Variants in ANKRD30A observed in about 807,000 individuals in gnomAD.
The protein encoded by ANKRD30A is ankyrin repeat domain 30A.
Under a neutral mutation model 166.3 loss-of-function variants are expected in ANKRD30A, and 170 were observed. That is an observed-to-expected ratio of 1.02 (90% CI 0.90 to 1.16). The LOEUF is 1.16. Among genes scored for constraint, ANKRD30A ranks in the 50% most tolerant of loss-of-function variants. The pLI, the probability that ANKRD30A is intolerant of heterozygous loss-of-function variation, is 0.00. For synonymous variants in ANKRD30A, 564 were observed against 508.9 expected, an observed-to-expected ratio of 1.11 and a Z score of -1.46; for missense variants, 1,630 against 1,518.0, an observed-to-expected ratio of 1.07 and a Z score of -1.23.
At chr10:37,201,377 A>T in intron 31 of ANKRD30A, 52 bp downstream of exon 31, 1 of 1,368,086 alleles carries the variant, frequency 7.3e-7, no homozygotes, top group Non-Finnish European at 1.0e-6. Context: ...TTTCTCTAAA[A>T]TGATGAGGAA....
At chr10:37,259,178 C>A in the ANKRD30A span, among the ~76,000 whole-genome samples, 6 of 151,758 alleles carry the variant, frequency 4.0e-5, no homozygotes, top group Non-Finnish European at 8.8e-5. Flanking sequence ...AAGATATCTG[C>A]AATATTTATG....
the ANKRD30A span, among the ~76,000 whole-genome samples, chr10:37,252,794 A>G: frequency 6.6e-6 from 1 of 152,192 alleles, no homozygotes; most frequent in South Asian, 2.1e-4. Context: ...TTAAAGTATT[A>G]AAGGCGCTAA....
chr10:37,261,916 T>C, the ANKRD30A span: 1 of 153,284 alleles, frequency 6.5e-6, no homozygotes, highest in Non-Finnish European at 1.5e-5. Flanking sequence ...TTGAAAATAT[T>C]GTTTACACGG....
At chr10:37,162,583 G>T in intron 15 of ANKRD30A, 66 bp from the exon 16 acceptor site, 1 of 1,584,742 alleles carries the variant, frequency 6.3e-7, no homozygotes, top group African/African-American at 1.3e-5. Context: ...TACTATCACG[G>T]CATTCATTTG....
At chr10:37,194,958 A>T (rs1020816313) in intron 27 of ANKRD30A, among the ~76,000 whole-genome samples, 34 of 152,196 alleles carry the variant, frequency 2.2e-4, no homozygotes, top group African/African-American at 8.2e-4. Context: ...ACTTTCCAAT[A>T]TGCATTACAA....
chr10:37,200,979 T>C (rs1841577037), intron 30 of ANKRD30A, among the ~76,000 whole-genome samples: 2 of 152,020 alleles, frequency 1.3e-5, no homozygotes, highest in Non-Finnish European at 2.9e-5. Flanking sequence ...CGATTGAATT[T>C]TTTCGTGTAT....
At chr10:37,212,554 T>G (rs1159416935) in intron 31 of ANKRD30A, among the ~76,000 whole-genome samples, 1 of 152,064 alleles carries the variant, frequency 6.6e-6, no homozygotes. Context: ...AGAGCCCGCA[T>G]TGTCAAGTCA....
chr10:37,236,678 A>T (rs1588974480), downstream of ANKRD30A, among the ~76,000 whole-genome samples: 5 of 152,298 alleles, frequency 3.3e-5, no homozygotes, highest in South Asian at 8.3e-4. Flanking sequence ...AATTAAGTTC[A>T]GGTTTGTCTT....
Position 37,218,961 on chromosome 10 carries a change from T to A in ANKRD30A, c.3268-19T>A. 1 of 1,507,074 alleles carries A rather than the reference T, an allele frequency of 6.6e-7. No individual in the cohort carries two copies. Among genetic ancestry groups the A allele is most frequent in the Non-Finnish European group, 9.0e-7 (1 of 1,114,114 alleles). The allele number at this position is 1,507,074 out of a possible 1,614,324, so 93.4% of individuals were successfully genotyped here. On this transcript the variant is annotated intron_variant, in intron 33 of 35. Transcript: ENST00000361713. ...CATTTTATTGAGTGCTAGCTAAAAG[T>A]TTATTTTGTTTTATTTAGGTTTCTC...
intron 21 of ANKRD30A, among the ~76,000 whole-genome samples, chr10:37,171,915 G>T (rs1435846078): frequency 2.1e-5 from 3 of 143,970 alleles, no homozygotes; most frequent in South Asian, 2.2e-4. Context: ...TCACATGCTA[G>T]TTCAGAAGAT....
intron 21 of ANKRD30A, among the ~76,000 whole-genome samples, chr10:37,172,174 T>C (rs1839621572): frequency 1.0e-5 from 1 of 99,686 alleles, no homozygotes; most frequent in South Asian, 2.5e-4. Flanking sequence ...TGAAACCCTG[T>C]CTCTACTAAA....
intron 15 of ANKRD30A, among the ~76,000 whole-genome samples, chr10:37,161,863 G>C (rs188768917): frequency 6.6e-6 from 1 of 152,084 alleles, no homozygotes; most frequent in Middle Eastern, 3.2e-3. Flanking sequence ...CGAACCAGAC[G>C]AATTGTAGGA....
At chr10:37,138,617 A>G (rs564326331) in intron 6 of ANKRD30A, among the ~76,000 whole-genome samples, 1 of 152,312 alleles carries the variant, frequency 6.6e-6, no homozygotes, top group African/African-American at 2.4e-5. Context: ...AACTGGAAGA[A>G]AGGGTATCAG....
chr10:37,190,994 A>G (rs1197487010), intron 25 of ANKRD30A, among the ~76,000 whole-genome samples: 1 of 151,906 alleles, frequency 6.6e-6, no homozygotes, highest in Non-Finnish European at 1.5e-5. Flanking sequence ...AAACCAGACT[A>G]ATTTTAAAAA....
Position 37,158,412 on chromosome 10 carries a change from C to A in ANKRD30A, c.1819C>A (p.Leu607Ile). ...TATAGAGTCTCCTAATAAAGATGGT[C>A]TTCTGAAGGTAATAACTTTTATATT... ...KLEESPNKDG[L>I]LKATCGMKVS... The change falls in exon 14 of 36, where the codon CTT becomes ATT. Residue 607 changes from leucine (L) to isoleucine (I), a missense_variant. Physicochemically the swap from Leu to Ile is conservative, Grantham distance 5 (BLOSUM62 2). Transcript: ENST00000361713. The A allele has an allele frequency of 6.2e-7, 1 of 1,610,884 alleles. No individual in the cohort carries two copies. The highest frequency in any genetic ancestry group is 8.5e-7 in the Non-Finnish European group (1 of 1,177,704).
At chr10:37,209,745 A>C (rs1286349364) in intron 31 of ANKRD30A, among the ~76,000 whole-genome samples, 1 of 152,124 alleles carries the variant, frequency 6.6e-6, no homozygotes, top group East Asian at 1.9e-4. Context: ...TTTTCAATGT[A>C]GGAAGACTTT....
downstream of ANKRD30A, among the ~76,000 whole-genome samples, chr10:37,236,809 T>G (rs1422249364): frequency 6.6e-6 from 1 of 152,222 alleles, no homozygotes; most frequent in Non-Finnish European, 1.5e-5. Flanking sequence ...CATTTATTAA[T>G]TGATTTTGGT....
chr10:37,132,864 G>C (rs188287104), intron 4 of ANKRD30A, among the ~76,000 whole-genome samples: 1 of 152,254 alleles, frequency 6.6e-6, no homozygotes, highest in Non-Finnish European at 1.5e-5. Context: ...TGGGCATGAT[G>C]GCACATGCCT....
the ANKRD30A span, among the ~76,000 whole-genome samples, chr10:37,245,438 C>T: frequency 5.3e-5 from 8 of 151,670 alleles, no homozygotes; most frequent in African/African-American, 1.9e-4. Context: ...TTTTCTACTG[C>T]AAGAATAATG....
Sources: gnomAD v4.1 joint callset for allele counts (sites outside exome capture counted in the v4.1 genomes callset) on GRCh38, gnomAD v4.1.1 for gene constraint, MANE v1.5 for transcripts, NCBI Gene and HGNC (gene_info 2026-07-23, HGNC 2026-07-21) for gene names.